The following CLYBL variants were observed in gnomAD, a reference collection of about 807,000 sequenced individuals.
CLYBL encodes the protein citramalyl-CoA lyase, mitochondrial.
Under a neutral mutation model 38.9 loss-of-function variants are expected in CLYBL, and 31 were observed. The observed-to-expected ratio is 0.80, with a 90% CI of 0.60 to 1.08. The LOEUF (loss-of-function observed/expected upper bound fraction) is 1.08. Ranked by LOEUF, CLYBL falls within the 50% of genes least tolerant of loss-of-function variation. The probability of loss-of-function intolerance (pLI) is 0.00; values close to 1 mark genes in which losing one functional copy is unlikely to be tolerated. For missense variants in CLYBL, 434 were observed against 411.6 expected (o/e 1.05, Z -0.47); for synonymous variants, 171 against 158.6 (o/e 1.08, Z -0.59).
intron 1 of CLYBL, among the ~76,000 whole-genome samples, chr13:99,733,502 A>T (rs2048622901): frequency 6.6e-6 from 1 of 152,250 alleles, no homozygotes; most frequent in Non-Finnish European, 1.5e-5. Flanking sequence ...CACCACCAGT[A>T]TACAACATAG....
intron 1 of CLYBL, among the ~76,000 whole-genome samples, chr13:99,648,157 A>G (rs1365531099): frequency 1.3e-5 from 2 of 152,196 alleles, no homozygotes; most frequent in Non-Finnish European, 2.9e-5. Context: ...CGGGGGGGAA[A>G]AATCCTTTTT....
chr13:99,678,059 T>A (rs979196874), intron 1 of CLYBL, among the ~76,000 whole-genome samples: 1 of 152,192 alleles, frequency 6.6e-6, no homozygotes, highest in African/African-American at 2.4e-5. Flanking sequence ...TGGTTTACAT[T>A]TGCGCGTGTT....
intron 1 of CLYBL, among the ~76,000 whole-genome samples, chr13:99,758,849 C>T (rs2049113589): frequency 1.3e-5 from 2 of 152,240 alleles, no homozygotes; most frequent in African/African-American, 4.8e-5. Flanking sequence ...CTCTGATTCA[C>T]AGGCTGTTCT....
At chr13:99,737,490 C>G (rs1262169844) in intron 1 of CLYBL, among the ~76,000 whole-genome samples, 3 of 152,196 alleles carry the variant, frequency 2.0e-5, no homozygotes, top group Non-Finnish European at 2.9e-5. Flanking sequence ...TCCAGGTGTG[C>G]TGGGTTCCAA....
intron 1 of CLYBL, among the ~76,000 whole-genome samples, chr13:99,734,389 A>C (rs1055182987): frequency 1.3e-5 from 2 of 152,008 alleles, no homozygotes; most frequent in African/African-American, 4.8e-5. Flanking sequence ...AAGAAAAGTA[A>C]GAGAAATTGA....
At chr13:99,841,828 T>C (rs1426136253) in intron 2 of CLYBL, among the ~76,000 whole-genome samples, 1 of 148,778 alleles carries the variant, frequency 6.7e-6, no homozygotes, top group East Asian at 2.0e-4. Flanking sequence ...TTTTTTTTTT[T>C]TTTCTGAGAC....
intron 7 of CLYBL, among the ~76,000 whole-genome samples, chr13:99,882,741 A>G (rs2052243500): frequency 6.6e-6 from 1 of 152,114 alleles, no homozygotes; most frequent in Non-Finnish European, 1.5e-5. Context: ...GGGTCTTCCT[A>G]ATAGAATTAC....
chr13:99,624,379 G>A (rs889798064), intron 1 of CLYBL, among the ~76,000 whole-genome samples: 13 of 152,148 alleles, frequency 8.5e-5, no homozygotes, highest in African/African-American at 2.4e-4. Context: ...TGACATGAGC[G>A]GGTGGAAAGG....
At chr13:99,614,121 G>T (rs2046670893) in intron 1 of CLYBL, among the ~76,000 whole-genome samples, 1 of 152,082 alleles carries the variant, frequency 6.6e-6, no homozygotes, top group Non-Finnish European at 1.5e-5. Context: ...GAGTTGGAGG[G>T]GATGAGTGCA....
At chr13:99,688,070 G>C (rs1382438478) in intron 1 of CLYBL, among the ~76,000 whole-genome samples, 1 of 152,180 alleles carries the variant, frequency 6.6e-6, no homozygotes, top group African/African-American at 2.4e-5. Flanking sequence ...TCTGTTTGAA[G>C]CAACGGTCTT....
At chr13:99,671,643 G>A (rs1448592140) in intron 1 of CLYBL, among the ~76,000 whole-genome samples, 1 of 152,022 alleles carries the variant, frequency 6.6e-6, no homozygotes, top group Non-Finnish European at 1.5e-5. Flanking sequence ...AGCCAGGTGT[G>A]ATGGTGCGTG....
chr13:99,808,174 C>T (rs189579101), intron 2 of CLYBL, among the ~76,000 whole-genome samples: 115 of 152,294 alleles, frequency 7.6e-4, no homozygotes, highest in African/African-American at 2.5e-3. Context: ...CAGCGTGGAC[C>T]GCCTGGGCTC....
chr13:99,680,701 T>G (rs1295578490), intron 1 of CLYBL, among the ~76,000 whole-genome samples: 1 of 152,240 alleles, frequency 6.6e-6, no homozygotes, highest in Non-Finnish European at 1.5e-5. Context: ...CTGATGCTGT[T>G]GCCATGTGCC....
intron 1 of CLYBL, among the ~76,000 whole-genome samples, chr13:99,669,715 A>T (rs899344025): frequency 1.3e-5 from 2 of 152,238 alleles, no homozygotes; most frequent in Admixed American, 6.5e-5. Flanking sequence ...CACAACTGAG[A>T]TACAAACAGT....
chr13:99,898,296 C>G (rs2052605402), downstream of CLYBL, among the ~76,000 whole-genome samples: 1 of 152,110 alleles, frequency 6.6e-6, no homozygotes, highest in Non-Finnish European at 1.5e-5. Context: ...TTTTAGAGAG[C>G]TTTGTGGTAG....
At chr13:99,746,465 C>T (rs2048853525) in intron 1 of CLYBL, among the ~76,000 whole-genome samples, 2 of 150,704 alleles carry the variant, frequency 1.3e-5, no homozygotes, top group African/African-American at 4.9e-5. Flanking sequence ...GTCCTGTGCT[C>T]TTCACTGGCT....
chr13:99,634,442 A>G (rs939688755), intron 1 of CLYBL, among the ~76,000 whole-genome samples: 6 of 152,190 alleles, frequency 3.9e-5, no homozygotes, highest in Non-Finnish European at 8.8e-5. Flanking sequence ...AAATAATCAG[A>G]TAGATCCATC....
intron 1 of CLYBL, among the ~76,000 whole-genome samples, chr13:99,684,053 TGTA>T (rs1344182894): frequency 1.0e-4 from 15 of 143,318 alleles, no homozygotes; most frequent in Non-Finnish European, 9.2e-5. Flanking sequence ...TTTTTTTTTT[TGTA>T]TTTTTAATAG....
At chr13:99,888,485 C>A (rs1364890431) in intron 7 of CLYBL, among the ~76,000 whole-genome samples, 1 of 152,074 alleles carries the variant, frequency 6.6e-6, no homozygotes, top group Non-Finnish European at 1.5e-5. Flanking sequence ...CGCAGTGGCT[C>A]ACACCTGTAA....
Sources: allele counts gnomAD v4.1 joint callset (sites outside exome capture counted in the v4.1 genomes callset), GRCh38; gene constraint gnomAD v4.1.1; transcripts MANE v1.5; gene names NCBI Gene and HGNC (gene_info 2026-07-23, HGNC 2026-07-21).